The following CLIP2 variants were observed in gnomAD, a reference collection of about 807,000 sequenced individuals.
CLIP2 encodes CAP-Gly domain containing linker protein 2, also known as CAP-Gly domain-containing linker protein 2.
A neutral mutation model predicts 111.7 loss-of-function variants in CLIP2; 41 were observed. The ratio of observed to expected loss-of-function variants is 0.37; its 90% CI spans 0.29 to 0.48. The LOEUF (loss-of-function observed/expected upper bound fraction) is 0.48, where lower values mean the gene tolerates loss of function less well. Ranked by LOEUF, CLIP2 falls within the 20% of genes least tolerant of loss-of-function variation. The pLI is 0.99. For missense variants in CLIP2, 1,160 were observed against 1,422.1 expected, an observed-to-expected ratio of 0.82 and a Z score of 2.96; for synonymous variants, 660 against 644.2, an observed-to-expected ratio of 1.02 and a Z score of -0.37.
chr7:74,329,262 T>C (rs187109985), intron 2 of CLIP2, among the ~76,000 whole-genome samples: 12 of 151,834 alleles, frequency 7.9e-5, no homozygotes, highest in Admixed American at 6.6e-4. Context: ...AGTCTCGCTA[T>C]GTTGCCTCCT....
chr7:74,360,566 T>C (rs1790299757), intron 7 of CLIP2, among the ~76,000 whole-genome samples: 1 of 152,092 alleles, frequency 6.6e-6, no homozygotes, highest in Non-Finnish European at 1.5e-5. Flanking sequence ...TAAAAATTTT[T>C]TTGAAACAGG....
At chr7:74,363,381 CAG>C (rs1554310149) in intron 7 of CLIP2, among the ~76,000 whole-genome samples, 2 of 152,174 alleles carry the variant, frequency 1.3e-5, no homozygotes, top group Non-Finnish European at 1.5e-5. Flanking sequence ...AGGTGTGTGA[CAG>C]AGTGTGTCTC....
intron 11 of CLIP2, among the ~76,000 whole-genome samples, chr7:74,382,456 C>T (rs1402444006): frequency 4.0e-5 from 6 of 151,360 alleles, no homozygotes; most frequent in Non-Finnish European, 1.5e-5. Context: ...ACGTGCATGC[C>T]ACCATGCCCT....
At chr7:74,380,582 G>A (rs955622329) in intron 10 of CLIP2, 2 of 430,030 alleles carry the variant, frequency 4.7e-6, no homozygotes, top group African/African-American at 2.0e-5. Context: ...CTGCACAGGC[G>A]GCCTTCAGCA....
intron 13 of CLIP2, among the ~76,000 whole-genome samples, chr7:74,391,062 C>A (rs773517238): frequency 1.3e-5 from 2 of 151,922 alleles, no homozygotes; most frequent in Admixed American, 6.6e-5. Context: ...AAAAAAGTAA[C>A]TATTTTCCAA....
intron 3 of CLIP2, among the ~76,000 whole-genome samples, chr7:74,347,144 C>G (rs983404352): frequency 2.0e-5 from 3 of 152,138 alleles, no homozygotes; most frequent in Non-Finnish European, 2.9e-5. Context: ...TTCCCCTTGC[C>G]TGGTGACTGT....
intron 1 of CLIP2, 87 bp from the exon 2 acceptor site, chr7:74,317,393 A>G: frequency 1.1e-6 from 1 of 923,758 alleles, no homozygotes; most frequent in Non-Finnish European, 1.4e-6. Context: ...AGCCCACCTC[A>G]GGAGGGATGT....
chr7:74,340,925 A>G (rs1554305267), intron 3 of CLIP2, among the ~76,000 whole-genome samples: 1 of 152,036 alleles, frequency 6.6e-6, no homozygotes, highest in Non-Finnish European at 1.5e-5. Context: ...GGAGAAGGGC[A>G]GGGGGTCTGG....
intron 1 of CLIP2, among the ~76,000 whole-genome samples, chr7:74,315,698 G>A (rs1788751224): frequency 6.6e-6 from 1 of 151,974 alleles, no homozygotes; most frequent in South Asian, 2.1e-4. Context: ...AGCCTCCTGA[G>A]TAGCTGGGAT....
At chr7:74,385,824 C>T (rs1328535328) in intron 11 of CLIP2, among the ~76,000 whole-genome samples, 1 of 149,278 alleles carries the variant, frequency 6.7e-6, no homozygotes, top group Non-Finnish European at 1.5e-5. Flanking sequence ...CTCACCGCAA[C>T]CTCTGCCTCC....
chr7:74,305,790 G>A (rs1382274470), intron 1 of CLIP2, among the ~76,000 whole-genome samples: 2 of 150,470 alleles, frequency 1.3e-5, no homozygotes, highest in Admixed American at 6.6e-5. Flanking sequence ...CACCGCACCC[G>A]GTCACATTTT....
intron 2 of CLIP2, among the ~76,000 whole-genome samples, chr7:74,330,461 T>C (rs1408593548): frequency 6.6e-6 from 1 of 152,016 alleles, no homozygotes; most frequent in East Asian, 1.9e-4. Context: ...TTCGCCATGT[T>C]GGCCAGGCTG....
chr7:74,397,458 G>A (rs191132228), intron 14 of CLIP2, among the ~76,000 whole-genome samples: 224 of 152,098 alleles, frequency 1.5e-3, no homozygotes, highest in African/African-American at 5.0e-3. Context: ...TGTGTGATAC[G>A]GTGCAAAGGA....
intron 3 of CLIP2, among the ~76,000 whole-genome samples, chr7:74,346,292 T>A (rs1251825382): frequency 2.0e-5 from 3 of 152,006 alleles, no homozygotes; most frequent in Non-Finnish European, 4.4e-5. Flanking sequence ...TGAAGATAAA[T>A]TTTTTTAAAA....
At chr7:74,293,817 C>A (rs553506889) in intron 1 of CLIP2, among the ~76,000 whole-genome samples, 51 of 152,238 alleles carry the variant, frequency 3.4e-4, no homozygotes, top group African/African-American at 1.1e-3. Context: ...GGGCTGCCTG[C>A]CACTGGCTTC....
intron 2 of CLIP2, among the ~76,000 whole-genome samples, chr7:74,336,738 G>A (rs1554732151): frequency 6.6e-6 from 1 of 152,050 alleles, no homozygotes; most frequent in African/African-American, 2.4e-5. Context: ...TGATATCTCT[G>A]AGCCTCAGTT....
intron 10 of CLIP2, among the ~76,000 whole-genome samples, chr7:74,377,041 G>T (rs1307824796): frequency 6.6e-6 from 1 of 152,122 alleles, no homozygotes; most frequent in African/African-American, 2.4e-5. Flanking sequence ...ACCGAAGCTG[G>T]TCTGAGCTGA....
At position 74,403,762 on chromosome 7, in the gene CLIP2, CCTGACTCCCCT is replaced by C. The variant is rs1294283228; in HGVS notation, c.3130-71_3130-61del. ...CCACCCGGCCCCAACTCCTTTCCTC[CCTGACTCCCCT>C]CTGGCCGCCTGGCCCTCCAGGCTCT... is the stretch of plus-strand genomic sequence containing the variant. On this transcript the variant is annotated intron_variant, in intron 16 of 16. Transcript: ENST00000223398. 3 of 1,539,644 alleles carry C rather than the reference CCTGACTCCCCT, an allele frequency of 1.9e-6. No homozygotes were observed. In the East Asian group the frequency reaches 6.8e-5, roughly 35 times the overall value.
chr7:74,290,989 T>G (rs140092665), intron 1 of CLIP2, among the ~76,000 whole-genome samples: 6 of 152,238 alleles, frequency 3.9e-5, no homozygotes, highest in Middle Eastern at 3.4e-3. Context: ...TGCAGAAGTT[T>G]GCTGCCAGGT....
Sources: allele counts gnomAD v4.1 joint callset (sites outside exome capture counted in the v4.1 genomes callset), GRCh38; gene constraint gnomAD v4.1.1; transcripts MANE v1.5; gene names NCBI Gene and HGNC (gene_info 2026-07-23, HGNC 2026-07-21).